RANBP2: variants seen among roughly 807,000 people sequenced by gnomAD.
RANBP2 encodes the protein RAN binding protein 2.
A neutral mutation model predicts 303.6 loss-of-function variants in RANBP2; 57 were observed. That is an observed-to-expected ratio of 0.19 (90% CI 0.15 to 0.23). RANBP2 has a LOEUF of 0.23. Ranked by LOEUF, RANBP2 falls within the 10% of genes least tolerant of loss-of-function variation. The pLI is 1.00. For synonymous variants in RANBP2, 1,167 were observed against 1,301.5 expected (o/e 0.90, Z 2.23); for missense variants, 3,138 against 3,780.8 (o/e 0.83, Z 4.46).
At chr2:109,253,443 C>T in the RANBP2 span, among the ~76,000 whole-genome samples, 3 of 152,126 alleles carry the variant, frequency 2.0e-5, no homozygotes, top group Non-Finnish European at 4.4e-5. Context: ...CGCTGCTTTC[C>T]GGGTGGGCTG....
the RANBP2 span, among the ~76,000 whole-genome samples, chr2:109,126,187 G>A: frequency 6.6e-6 from 1 of 152,186 alleles, no homozygotes; most frequent in Non-Finnish European, 1.5e-5. Context: ...TTCATGCCCT[G>A]CCCAGTCACT....
the RANBP2 span, among the ~76,000 whole-genome samples, chr2:108,937,115 G>A: frequency 6.6e-6 from 1 of 152,250 alleles, no homozygotes; most frequent in Non-Finnish European, 1.5e-5. Context: ...GGGTGACGCT[G>A]AAACAGAAGT....
the RANBP2 span, among the ~76,000 whole-genome samples, chr2:109,706,686 A>G: frequency 1.3e-5 from 2 of 152,340 alleles, no homozygotes; most frequent in South Asian, 4.1e-4. Flanking sequence ...AGGGGTTCTG[A>G]GCACTAGAAA....
the RANBP2 span, chr2:109,546,144 C>A: frequency 6.2e-7 from 1 of 1,610,912 alleles, no homozygotes; most frequent in Non-Finnish European, 8.5e-7. Flanking sequence ...TTAGAGAAAG[C>A]AATTATTTCT....
At chr2:109,537,995 A>G in the RANBP2 span, among the ~76,000 whole-genome samples, 1 of 151,986 alleles carries the variant, frequency 6.6e-6, no homozygotes, top group Admixed American at 6.6e-5. Flanking sequence ...ACACACACAA[A>G]TTTATCTTAT....
the RANBP2 span, among the ~76,000 whole-genome samples, chr2:109,647,562 G>A: frequency 6.6e-6 from 1 of 150,964 alleles, no homozygotes; most frequent in Non-Finnish European, 1.5e-5. Flanking sequence ...TCCGCCTCCC[G>A]GGTTCAAGTG....
At chr2:108,829,657 A>C in the RANBP2 span, among the ~76,000 whole-genome samples, 285 of 152,312 alleles carry the variant, frequency 1.9e-3, 3 homozygotes, top group African/African-American at 6.6e-3. Flanking sequence ...GAGGCATGGG[A>C]ATCGCTTGAA....
chr2:109,349,169 G>C, the RANBP2 span, among the ~76,000 whole-genome samples: 1 of 16,470 alleles, frequency 6.1e-5, no homozygotes, highest in African/African-American at 2.3e-3. Flanking sequence ...CAGAGCTCGA[G>C]GTGGCACTCT....
chr2:109,001,071 T>C, the RANBP2 span, among the ~76,000 whole-genome samples: 1 of 152,238 alleles, frequency 6.6e-6, no homozygotes, highest in Non-Finnish European at 1.5e-5. Context: ...TTGGTTCTGA[T>C]AACTTTCTCC....
intron 21 of RANBP2, 25 bp downstream of exon 21, chr2:108,771,896 TC>T (rs776946334): frequency 6.2e-7 from 1 of 1,613,672 alleles, no homozygotes; most frequent in Non-Finnish European, 8.5e-7. Context: ...ATTTCAAAAA[TC>T]CTCTGTTCCC....
At chr2:109,058,717 G>A in the RANBP2 span, among the ~76,000 whole-genome samples, 1 of 152,224 alleles carries the variant, frequency 6.6e-6, no homozygotes, top group Non-Finnish European at 1.5e-5. Flanking sequence ...ATGATAAACA[G>A]GCCTCTGAAG....
chr2:108,923,327 C>A, the RANBP2 span: 8 of 1,590,354 alleles, frequency 5.0e-6, no homozygotes, highest in South Asian at 2.2e-5. Flanking sequence ...GGGATCCGTG[C>A]TGAACAAATA....
chr2:108,873,487 C>G, the RANBP2 span: 1 of 1,607,190 alleles, frequency 6.2e-7, no homozygotes, highest in East Asian at 2.2e-5. Flanking sequence ...TGTAGCAACT[C>G]TTTATTTTTT....
At chr2:109,397,634 C>T in the RANBP2 span, among the ~76,000 whole-genome samples, 15 of 152,172 alleles carry the variant, frequency 9.9e-5, no homozygotes, top group South Asian at 4.1e-4. Context: ...CTAACTGAGG[C>T]CCTGAGGACC....
the RANBP2 span, among the ~76,000 whole-genome samples, chr2:109,246,191 T>C: frequency 6.6e-6 from 1 of 152,258 alleles, no homozygotes; most frequent in Non-Finnish European, 1.5e-5. Context: ...TTCAAGCTGC[T>C]GTAACAAAAT....
At chr2:109,060,658 G>A in the RANBP2 span, among the ~76,000 whole-genome samples, 9 of 152,190 alleles carry the variant, frequency 5.9e-5, no homozygotes, top group Non-Finnish European at 1.0e-4. Flanking sequence ...TGGCTCTCCC[G>A]AGGCAGCTTC....
the RANBP2 span, among the ~76,000 whole-genome samples, chr2:109,601,834 A>G: frequency 5.9e-5 from 9 of 152,206 alleles, no homozygotes; most frequent in African/African-American, 2.2e-4. Flanking sequence ...ATACTCTACA[A>G]GTTACTTTCT....
the RANBP2 span, among the ~76,000 whole-genome samples, chr2:109,288,703 G>T: frequency 6.6e-6 from 1 of 152,180 alleles, no homozygotes; most frequent in Non-Finnish European, 1.5e-5. Context: ...CTGGGAGATT[G>T]CTGGACCTGA....
chr2:109,645,946 A>G, the RANBP2 span, among the ~76,000 whole-genome samples: 2 of 152,136 alleles, frequency 1.3e-5, no homozygotes, highest in Non-Finnish European at 2.9e-5. Context: ...GCAGCCAAAA[A>G]AGGCTGAAAT....
Sources: allele counts gnomAD v4.1 joint callset (sites outside exome capture counted in the v4.1 genomes callset), GRCh38; gene constraint gnomAD v4.1.1; transcripts MANE v1.5; gene names NCBI Gene and HGNC (gene_info 2026-07-23, HGNC 2026-07-21).